Variants in TRPM3 observed in about 807,000 individuals in gnomAD.
TRPM3 encodes the protein long transient receptor potential channel 3.
Under a neutral mutation model 181.2 loss-of-function variants are expected in TRPM3, and 77 were observed. The observed-to-expected ratio is 0.42, with a 90% confidence interval of 0.35 to 0.51. The LOEUF (loss-of-function observed/expected upper bound fraction) is 0.51, where lower values mean the gene tolerates loss of function less well. Ranked by LOEUF, TRPM3 falls within the 20% of genes least tolerant of loss-of-function variation. The pLI, the probability that TRPM3 is intolerant of heterozygous loss-of-function variation, is 0.01. For missense variants in TRPM3, 1,759 were observed against 2,196.7 expected (o/e 0.80, Z 3.98); for synonymous variants, 745 against 796.4 (o/e 0.94, Z 1.09).
chr9:70,850,002 A>G lies in TRPM3; in HGVS notation c.463-3411T>C, dbSNP rs564465461. The stretch of plus-strand genomic sequence containing the variant: ...AAAATAAACCGCACCATCAAGAGAT[A>G]CCAAAGAGCTAAAGTTTCCTGAACA... On this transcript the variant is annotated intron_variant, in intron 3 of 25. Transcript: ENST00000677713. 2.0e-5 allele frequency among the ~76,000 whole-genome samples: 3 copies of G among 152,346 alleles called. No individual in the cohort carries two copies. In the East Asian group the frequency reaches 5.8e-4, roughly 29 times the overall value.
chr9:71,051,789 T>C (rs2060088576), intron 1 of TRPM3, among the ~76,000 whole-genome samples: 1 of 152,156 alleles, frequency 6.6e-6, no homozygotes. Flanking sequence ...CCAATTAGTG[T>C]TGAAGTCTGG....
At chr9:71,128,577 T>C (rs1041033873) in intron 1 of TRPM3, among the ~76,000 whole-genome samples, 3 of 152,164 alleles carry the variant, frequency 2.0e-5, no homozygotes, top group African/African-American at 7.2e-5. Context: ...TAAACTAAGT[T>C]TAAATATCCG....
chr9:71,023,139 C>T (rs1231111496), intron 1 of TRPM3, among the ~76,000 whole-genome samples: 1 of 151,890 alleles, frequency 6.6e-6, no homozygotes, highest in Non-Finnish European at 1.5e-5. Context: ...TCTCAAAACC[C>T]CCAAGTAAAA....
chr9:71,021,806 G>A (rs1368141855), intron 1 of TRPM3, among the ~76,000 whole-genome samples: 1 of 152,108 alleles, frequency 6.6e-6, no homozygotes, highest in Non-Finnish European at 1.5e-5. Context: ...TTAACCAGAG[G>A]GGAAGGAAGA....
At chr9:71,291,911 C>T (rs767992541) in intron 1 of TRPM3, among the ~76,000 whole-genome samples, 1 of 151,958 alleles carries the variant, frequency 6.6e-6, no homozygotes, top group Non-Finnish European at 1.5e-5. Context: ...AAAATGATTG[C>T]AAATTAGAAC....
rs1179540173 is a variant in TRPM3 at position 71,369,619 on chromosome 9, C to A, written c.183+77034G>T. Among the ~76,000 whole-genome samples, 4 of 152,144 alleles carry A rather than the reference C, an allele frequency of 2.6e-5. 1 individual carries two copies. Among genetic ancestry groups the A allele is most frequent in the Non-Finnish European group, 5.9e-5 (4 of 68,022 alleles). On this transcript the variant is annotated intron_variant, in intron 1 of 24. Coordinates refer to the TRPM3 transcript ENST00000357533. ...CCCAGGTTCAAGCGATTCTCCTGGGCATGGTGCCCACCTTGGCCTCCCAAA... is the reference window on the plus strand; with the variant it reads ...CCCAGGTTCAAGCGATTCTCCTGGGAATGGTGCCCACCTTGGCCTCCCAAA...
chr9:70,637,829 T>C (rs2057456977), intron 11 of TRPM3, among the ~76,000 whole-genome samples: 1 of 152,148 alleles, frequency 6.6e-6, no homozygotes, highest in Admixed American at 6.6e-5. Context: ...CTTAGGAGTT[T>C]TGTGACCTTG....
At chr9:70,553,379 G>A in intron 22 of TRPM3, 69 bp from the exon 23 acceptor site, 1 of 1,565,576 alleles carries the variant, frequency 6.4e-7, no homozygotes, top group Non-Finnish European at 8.7e-7. Context: ...TAAAAAGATG[G>A]ATTTGTAGGA....
intron 1 of TRPM3, among the ~76,000 whole-genome samples, chr9:70,950,441 A>C (rs2096985828): frequency 6.6e-6 from 1 of 152,214 alleles, no homozygotes; most frequent in East Asian, 1.9e-4. Context: ...GTGACATATT[A>C]TGCGCTCCTG....
intron 1 of TRPM3, among the ~76,000 whole-genome samples, chr9:70,972,751 G>A (rs796397394): frequency 1.1e-4 from 17 of 151,662 alleles, no homozygotes; most frequent in African/African-American, 3.6e-4. Flanking sequence ...TGTCTCAGTG[G>A]ACAAAGAGAA....
intron 1 of TRPM3, among the ~76,000 whole-genome samples, chr9:71,203,004 C>G (rs1359935229): frequency 6.6e-6 from 1 of 152,182 alleles, no homozygotes; most frequent in African/African-American, 2.4e-5. Context: ...ATAGCATTCC[C>G]ACAGCACTGA....
chr9:70,813,753 C>T (rs942980332), intron 6 of TRPM3, among the ~76,000 whole-genome samples: 2 of 152,216 alleles, frequency 1.3e-5, no homozygotes, highest in Admixed American at 1.3e-4. Flanking sequence ...GGCTAAGAGG[C>T]ATACTTCTTG....
intron 25 of TRPM3, 70 bp from the exon 26 acceptor site, chr9:70,537,475 A>G (rs901029116): frequency 7.4e-7 from 1 of 1,355,358 alleles, no homozygotes; most frequent in Non-Finnish European, 9.5e-7. Context: ...GAGCAAGGAT[A>G]AAGGGATCAC....
chr9:71,293,106 T>C (rs1483476510), intron 1 of TRPM3, among the ~76,000 whole-genome samples: 1 of 151,848 alleles, frequency 6.6e-6, no homozygotes, highest in African/African-American at 2.4e-5. Flanking sequence ...CATCACTTCA[T>C]AATAAAAACT....
intron 9 of TRPM3, among the ~76,000 whole-genome samples, chr9:70,642,367 C>T (rs1166992329): frequency 6.6e-6 from 1 of 152,182 alleles, no homozygotes; most frequent in Non-Finnish European, 1.5e-5. Context: ...TCCTCTTCAT[C>T]ATTGCTGCTT....
At chr9:71,028,116 C>T (rs569179931) in intron 1 of TRPM3, among the ~76,000 whole-genome samples, 1 of 152,258 alleles carries the variant, frequency 6.6e-6, no homozygotes, top group East Asian at 1.9e-4. Context: ...CAGCAGGCAT[C>T]TTAGCAAAAA....
At chr9:70,690,873 TTGA>T (rs1441567786) in intron 8 of TRPM3, among the ~76,000 whole-genome samples, 6 of 152,232 alleles carry the variant, frequency 3.9e-5, no homozygotes, top group Non-Finnish European at 4.4e-5. Flanking sequence ...CAATGCCAAC[TTGA>T]TGAATAGAAT....
chr9:71,347,497 A>T (rs1349908152), intron 1 of TRPM3, among the ~76,000 whole-genome samples: 1 of 152,232 alleles, frequency 6.6e-6, no homozygotes, highest in Non-Finnish European at 1.5e-5. Flanking sequence ...GGTTGATTTT[A>T]AATTTTTCAA....
At chr9:71,387,585 G>A (rs146186629) in intron 1 of TRPM3, among the ~76,000 whole-genome samples, 1,989 of 152,186 alleles carry the variant, frequency 0.013, 21 homozygotes, top group Middle Eastern at 0.061. Context: ...TTTGTTGTTG[G>A]CAAAGTAGGA....
Sources: allele counts gnomAD v4.1 joint callset (sites outside exome capture counted in the v4.1 genomes callset), GRCh38; gene constraint gnomAD v4.1.1; transcripts MANE v1.5; gene names NCBI Gene and HGNC (gene_info 2026-07-23, HGNC 2026-07-21).